The following SESTD1 variants were observed in gnomAD, a reference collection of about 807,000 sequenced individuals.
The protein encoded by SESTD1 is SEC14 and spectrin domain containing 1.
SESTD1 carries 43 observed loss-of-function variants against 101.7 expected under a neutral mutation model. The ratio of observed to expected loss-of-function variants is 0.42; its 90% CI spans 0.33 to 0.55. SESTD1 has a LOEUF of 0.55. Among genes scored for constraint, SESTD1 ranks in the 20% least tolerant of loss-of-function variants. The pLI is 0.07. For missense variants in SESTD1, 647 were observed against 815.1 expected (o/e 0.79, Z 2.51); for synonymous variants, 283 against 286.8 (o/e 0.99, Z 0.13).
At chr2:179,152,660 G>T (rs2045553307) in intron 5 of SESTD1, among the ~76,000 whole-genome samples, 1 of 152,136 alleles carries the variant, frequency 6.6e-6, no homozygotes, top group Admixed American at 6.6e-5. Flanking sequence ...AGACTGCTTT[G>T]CCGGAAGAGG....
chr2:179,169,050 G>A (rs1280467126), intron 5 of SESTD1, among the ~76,000 whole-genome samples: 5 of 151,600 alleles, frequency 3.3e-5, no homozygotes, highest in Admixed American at 1.3e-4. Flanking sequence ...TAGTCCAAAG[G>A]CAAAAAAGAA....
intron 1 of SESTD1, among the ~76,000 whole-genome samples, chr2:179,210,981 C>G (rs1256108098): frequency 7.6e-6 from 1 of 132,356 alleles, no homozygotes; most frequent in Non-Finnish European, 1.6e-5. Context: ...TTTCAGGATA[C>G]AAAATCAATG....
rs911607898 is a variant in SESTD1 at position 179,109,406 on chromosome 2, G to A, written c.*493C>T. The A allele has an allele frequency of 3.5e-6, 1 of 281,818 alleles. No homozygotes were observed. The highest frequency in any genetic ancestry group is 6.5e-6 in the Non-Finnish European group (1 of 153,022). The allele number at this position is 281,818 out of a possible 1,614,324, so 17.5% of individuals were successfully genotyped here. Reference sequence around the variant, plus strand: ...AATGACTATGATATATCAAAGATCTGAAAGGCTTTCTCTGTATTGACACAA... The same window carrying A: ...AATGACTATGATATATCAAAGATCTAAAAGGCTTTCTCTGTATTGACACAA... On this transcript the variant is annotated 3_prime_UTR_variant, in exon 18 of 18. Coordinates refer to ENST00000428443, the MANE Select transcript of SESTD1 (RefSeq NM_178123.5).
At chr2:179,242,734 T>C (rs554116158) in intron 1 of SESTD1, among the ~76,000 whole-genome samples, 1 of 152,300 alleles carries the variant, frequency 6.6e-6, no homozygotes, top group African/African-American at 2.4e-5. Context: ...GGTGCTGGGA[T>C]AATTGGCTAG....
intron 1 of SESTD1, among the ~76,000 whole-genome samples, chr2:179,229,060 G>A (rs1445353912): frequency 6.6e-6 from 1 of 152,210 alleles, no homozygotes; most frequent in Non-Finnish European, 1.5e-5. Context: ...TAAAAGTGCA[G>A]GGAGGATTCA....
In SESTD1 at chr2:179,132,406, C is replaced by A; in HGVS notation, c.870G>T (p.Gly290=). 5 of 1,557,906 alleles carry A rather than the reference C, an allele frequency of 3.2e-6. No individual in the cohort carries two copies. The highest frequency in any genetic ancestry group is 3.4e-6 in the Non-Finnish European group (4 of 1,161,638). Residue 290 remains glycine (G), a synonymous_variant, in exon 10 of 18, where the codon GGG becomes GGT. Coordinates refer to ENST00000428443, the MANE Select transcript of SESTD1 (RefSeq NM_178123.5). ...GGGCTCTTAGTTGTTCTGATCCAGGCCCTTCTAGCCAGTTCACCACCTATA... is the reference window on the plus strand; with the variant it reads ...GGGCTCTTAGTTGTTCTGATCCAGGACCTTCTAGCCAGTTCACCACCTATA... ...KVMQVVNWLE[G]PGSEQLRAQW...
intron 1 of SESTD1, among the ~76,000 whole-genome samples, chr2:179,248,687 G>A (rs2047268577): frequency 6.6e-6 from 1 of 151,578 alleles, no homozygotes; most frequent in African/African-American, 2.4e-5. Flanking sequence ...AGAAAAATAT[G>A]AATAAAGGAG....
At chr2:179,255,627 T>C (rs2047382892) in intron 1 of SESTD1, among the ~76,000 whole-genome samples, 1 of 152,222 alleles carries the variant, frequency 6.6e-6, no homozygotes, top group Non-Finnish European at 1.5e-5. Flanking sequence ...AACATAAATG[T>C]GCAAGATGAA....
intron 1 of SESTD1, among the ~76,000 whole-genome samples, chr2:179,262,532 G>T (rs1325329660): frequency 6.6e-6 from 1 of 152,048 alleles, no homozygotes; most frequent in Admixed American, 6.6e-5. Flanking sequence ...CATGTTGCTT[G>T]TAACAGCTTT....
chr2:179,146,546 G>A lies in SESTD1; in HGVS notation c.582-89C>T, dbSNP rs1228198262. ...CCTTTACATATAAAAAAACAGAACAGGGGCACAAAAGTATGAAAATCTGAA... is the reference window on the plus strand; with the variant it reads ...CCTTTACATATAAAAAAACAGAACAAGGGCACAAAAGTATGAAAATCTGAA... On this transcript the variant is annotated intron_variant, in intron 7 of 17. Coordinates refer to ENST00000428443, the MANE Select transcript of SESTD1 (RefSeq NM_178123.5). 3 of 1,080,376 alleles carry A rather than the reference G, an allele frequency of 2.8e-6. No homozygotes were observed. In the African/African-American group the frequency reaches 4.8e-5, roughly 17 times the overall value. The allele number at this position is 1,080,376 out of a possible 1,614,324, so 66.9% of individuals were successfully genotyped here. A position where few individuals can be genotyped will look rare whatever the true frequency, so the allele number is the denominator to read the frequency against.
At chr2:179,212,739 A>C (rs2046667412) in intron 1 of SESTD1, among the ~76,000 whole-genome samples, 1 of 134,768 alleles carries the variant, frequency 7.4e-6, no homozygotes, top group African/African-American at 2.9e-5. Flanking sequence ...TCCCAGTAGC[A>C]GCCCAAAGAC....
chr2:179,199,114 A>G (rs946835649), intron 1 of SESTD1, among the ~76,000 whole-genome samples: 15 of 152,158 alleles, frequency 9.9e-5, no homozygotes, highest in South Asian at 4.1e-4. Context: ...AAAAAATGAT[A>G]AAGGGGAAAT....
chr2:179,184,757 A>C (rs2046181304), intron 2 of SESTD1, among the ~76,000 whole-genome samples: 1 of 152,110 alleles, frequency 6.6e-6, no homozygotes, highest in South Asian at 2.1e-4. Flanking sequence ...AGCTTTATCC[A>C]CCCATTAAGC....
rs182576886 is a variant in SESTD1, at chr2:179,116,000, G to A, written c.1647+668C>T. Reference sequence around the variant, plus strand: ...AAAATAAGATACTTTTTGGCTTGGCGCGGTGGCTCACTCCTGTAATCCCAG... The same window carrying A: ...AAAATAAGATACTTTTTGGCTTGGCACGGTGGCTCACTCCTGTAATCCCAG... On this transcript the variant is annotated intron_variant, in intron 15 of 17. Transcript: ENST00000428443. Among the ~76,000 whole-genome samples the A allele has an allele frequency of 2.1e-3, 325 of 151,756 alleles. 1 individual carries two copies. Among genetic ancestry groups the A allele is most frequent in the African/African-American group, 7.2e-3 (297 of 41,354 alleles).
At chr2:179,229,326 T>G (rs541236143) in intron 1 of SESTD1, among the ~76,000 whole-genome samples, 136 of 152,276 alleles carry the variant, frequency 8.9e-4, no homozygotes, top group Non-Finnish European at 1.7e-3. Flanking sequence ...CCGAATTCTC[T>G]CTATCTGCCT....
chr2:179,259,300 C>T (rs902638596), intron 1 of SESTD1, among the ~76,000 whole-genome samples: 6 of 152,186 alleles, frequency 3.9e-5, no homozygotes, highest in East Asian at 1.9e-4. Flanking sequence ...GGCGCGATCT[C>T]GGCTCACTGC....
intron 1 of SESTD1, among the ~76,000 whole-genome samples, chr2:179,203,571 G>C (rs957672625): frequency 7.4e-6 from 1 of 134,412 alleles, no homozygotes; most frequent in Non-Finnish European, 1.6e-5. Flanking sequence ...CTCTTCTATA[G>C]GCTGCTCCTG....
At chr2:179,251,971 T>G (rs2047323844) in intron 1 of SESTD1, among the ~76,000 whole-genome samples, 1 of 152,222 alleles carries the variant, frequency 6.6e-6, no homozygotes, top group Non-Finnish European at 1.5e-5. Flanking sequence ...AGACCAGATG[T>G]AAATTATAAA....
At chr2:179,186,437 A>T (rs2046233955) in intron 2 of SESTD1, among the ~76,000 whole-genome samples, 1 of 152,192 alleles carries the variant, frequency 6.6e-6, no homozygotes, top group Non-Finnish European at 1.5e-5. Context: ...GTGAAAACAG[A>T]ATAATGGATA....
Sources: allele counts gnomAD v4.1 joint callset (sites outside exome capture counted in the v4.1 genomes callset), GRCh38; gene constraint gnomAD v4.1.1; transcripts MANE v1.5; gene names NCBI Gene and HGNC (gene_info 2026-07-23, HGNC 2026-07-21).